GML: variants seen among roughly 807,000 people sequenced by gnomAD.
The protein encoded by GML is glycosylphosphatidylinositol anchored molecule like, also known as glycosyl-phosphatidylinositol-anchored molecule-like protein.
A neutral mutation model predicts 8.2 loss-of-function variants in GML; 5 were observed. That is an observed-to-expected ratio of 0.61 (90% confidence interval 0.32 to 1.28). The LOEUF (loss-of-function observed/expected upper bound fraction) is 1.28. GML is among the 50% of genes most tolerant of loss of function. GML has a pLI of 0.06. For synonymous variants in GML, 72 were observed against 69.0 expected (o/e 1.04, Z -0.22); for missense variants, 191 against 198.3 (o/e 0.96, Z 0.22).
intron 1 of GML, among the ~76,000 whole-genome samples, chr8:142,837,299 C>CAAA (rs61251350): frequency 4.7e-5 from 7 of 148,360 alleles, no homozygotes; most frequent in African/African-American, 1.7e-4. Flanking sequence ...GACTCTGTTT[C>CAAA]AAAAAAAGAA....
At chr8:142,845,099 C>T (rs189598034) in intron 3 of GML, among the ~76,000 whole-genome samples, 218 of 152,266 alleles carry the variant, frequency 1.4e-3, no homozygotes, top group African/African-American at 5.0e-3. Context: ...TGAGAATGAA[C>T]AATATACAAC....
At chr8:142,836,932 G>C (rs572560419) in intron 1 of GML, among the ~76,000 whole-genome samples, 1 of 152,110 alleles carries the variant, frequency 6.6e-6, no homozygotes, top group Non-Finnish European at 1.5e-5. Flanking sequence ...CTTTTCTTTC[G>C]GAGGAAATAA....
rs777102614 is a variant in GML at position 142,846,478 on chromosome 8, GC to G, written c.269del (p.Pro90GlnfsTer38). On this transcript the variant is annotated frameshift_variant, in exon 4 of 4. Coordinates refer to ENST00000220940, the MANE Select transcript of GML (RefSeq NM_002066.3). LOFTEE classifies it low-confidence loss of function (END_TRUNC). ...FVYAAEQPPE[A>X]PGKIFKTNSF... Reference sequence around the variant, plus strand: ...ATATGCAGCTGAACAGCCTCCTGAAGCCCCAGGAAAAATCTTCAAAACTAAT... The same window carrying G: ...ATATGCAGCTGAACAGCCTCCTGAAGCCCAGGAAAAATCTTCAAAACTAAT... 1.2e-6 allele frequency: 2 copies of G among 1,613,400 alleles called. No individual in the cohort carries two copies. Among genetic ancestry groups the G allele is most frequent in the Non-Finnish European group, 1.7e-6 (2 of 1,179,320 alleles).
intron 3 of GML, among the ~76,000 whole-genome samples, chr8:142,844,818 A>G (rs959713822): frequency 6.6e-6 from 1 of 152,216 alleles, no homozygotes; most frequent in Non-Finnish European, 1.5e-5. Context: ...TGAACTGTGC[A>G]CAATCCCTCA....
At chr8:142,837,885 A>G (rs1424122825) in intron 1 of GML, among the ~76,000 whole-genome samples, 6 of 148,140 alleles carry the variant, frequency 4.1e-5, no homozygotes, top group Admixed American at 1.4e-4. Flanking sequence ...AGGCTCTTCC[A>G]TGGGAAAACT....
In GML at chr8:142,839,621, A is replaced by G. The variant is rs556062111; in HGVS notation, c.-22-795A>G. Among the ~76,000 whole-genome samples the G allele has an allele frequency of 2.6e-5, 4 of 152,326 alleles. No individual in the cohort carries two copies. The South Asian group carries it at 6.2e-4, about 24-fold the overall frequency. ...AGCACTGCGGGCTGACCTGCTCCCA[A>G]CCAGGGAGATGGAGCTTCCCCCTTG... On this transcript the variant is annotated intron_variant, in intron 1 of 3. Transcript: ENST00000220940.
intron 1 of GML, 120 bp from the exon 2 acceptor site, chr8:142,840,296 G>T (rs1327640352): frequency 6.1e-6 from 4 of 653,208 alleles, no homozygotes; most frequent in African/African-American, 5.4e-5. Flanking sequence ...CTGGCCCAGT[G>T]GGGGAGGCAT....
In GML at chr8:142,841,347, C is replaced by T. The variant is rs186688065; in HGVS notation, c.181+122C>T. On this transcript the variant is annotated intron_variant, in intron 3 of 3. Transcript: ENST00000220940. ...GCTCTGTTTCCCCTTCCCTCATGTC[C>T]TCCCATCCTGAGTGCGTTTCTGCAC... 4.2e-4 allele frequency: 278 copies of T among 667,608 alleles called. 5 individuals carry two copies. The Admixed American group carries it at 6.1e-3, about 15-fold the overall frequency. 41.4% of individuals were successfully genotyped at this position (667,608 alleles called of 1,614,324 possible). A position where few individuals can be genotyped will look rare whatever the true frequency, so the allele number is the denominator to read the frequency against.
Position 142,846,562 on chromosome 8 carries a change from A to C in GML, c.349A>C (p.Asn117His). 3.1e-6 allele frequency: 5 copies of C among 1,613,970 alleles called. No individual in the cohort carries two copies. The highest frequency in any genetic ancestry group is 4.2e-6 in the Non-Finnish European group (5 of 1,179,856). The change falls in exon 4 of 4, where the codon AAT becomes CAT. Residue 117 changes from asparagine to histidine, a missense_variant. Asn to His is a moderately conservative substitution (Grantham distance 68, BLOSUM62 1). Transcript: ENST00000220940. ...GGTTTGCAATGCAGGAGGACCTACT[A>C]ATCTTGAAAGGGACATGTTACCCGA... Reference protein sequence around the residue: ...SMVCNAGGPTNLERDMLPDEV... With the variant: ...SMVCNAGGPTHLERDMLPDEV...
At chr8:142,835,336 G>T (rs1002120785) in intron 1 of GML, among the ~76,000 whole-genome samples, 61 of 152,154 alleles carry the variant, frequency 4.0e-4, no homozygotes, top group Non-Finnish European at 7.2e-4. Context: ...CTGGGGCTCC[G>T]TTCAGTTCTT....
Position 142,846,699 on chromosome 8 carries a change from C to A in GML, c.*9C>A. The A allele has an allele frequency of 6.2e-7, 1 of 1,602,888 alleles. No homozygotes were observed. Among genetic ancestry groups the A allele is most frequent in the Non-Finnish European group, 8.5e-7 (1 of 1,170,744 alleles). ...GCAATATATTGCCATGAGGACCCCA[C>A]CTTGGAGGGTCTGACCATCTTCACC... On this transcript the variant is annotated 3_prime_UTR_variant, in exon 4 of 4. Coordinates refer to ENST00000220940, the MANE Select transcript of GML (RefSeq NM_002066.3).
intron 1 of GML, among the ~76,000 whole-genome samples, chr8:142,837,433 G>A (rs937988061): frequency 6.6e-6 from 1 of 152,096 alleles, no homozygotes; most frequent in African/African-American, 2.4e-5. Context: ...ACAGCAGTGG[G>A]TGAACCGAGG....
chr8:142,835,255 G>A (rs1816319451), intron 1 of GML, among the ~76,000 whole-genome samples: 1 of 141,442 alleles, frequency 7.1e-6, no homozygotes, highest in Admixed American at 7.1e-5. Context: ...CCAGGGAGAT[G>A]CCAGCACCCC....
chr8:142,836,101 T>C (rs1816338991), intron 1 of GML, among the ~76,000 whole-genome samples: 1 of 152,256 alleles, frequency 6.6e-6, no homozygotes, highest in South Asian at 2.1e-4. Context: ...TTTCTTGTGC[T>C]CTGTAAGCTG....
intron 1 of GML, among the ~76,000 whole-genome samples, chr8:142,835,439 C>A (rs985496858): frequency 1.3e-5 from 2 of 152,196 alleles, no homozygotes; most frequent in South Asian, 2.1e-4. Context: ...GCCTGTTCCA[C>A]GTTCTGCTGC....
rs755194594 is a variant in GML, at chr8:142,846,739, A to G, written c.*49A>G. Reference sequence around the variant, plus strand: ...CCATCTTCACCTGTTCCGCAGAGAAATGTTGCTCTCCATTATTCCCTTCTA... The same window carrying G: ...CCATCTTCACCTGTTCCGCAGAGAAGTGTTGCTCTCCATTATTCCCTTCTA... On this transcript the variant is annotated 3_prime_UTR_variant, in exon 4 of 4. Coordinates refer to ENST00000220940, the MANE Select transcript of GML (RefSeq NM_002066.3). 7.3e-7 allele frequency: 1 copy of G among 1,375,416 alleles called. No individual in the cohort carries two copies. The highest frequency in any genetic ancestry group is 1.3e-5 in the South Asian group (1 of 79,760). The allele number at this position is 1,375,416 out of a possible 1,614,324, so 85.2% of individuals were successfully genotyped here.
chr8:142,845,896 A>G (rs796548539), intron 3 of GML, among the ~76,000 whole-genome samples: 2 of 152,336 alleles, frequency 1.3e-5, no homozygotes, highest in African/African-American at 4.8e-5. Flanking sequence ...GGAGACTGAA[A>G]CACCAGGCTG....
chr8:142,837,158 G>A (rs1239513808), intron 1 of GML, among the ~76,000 whole-genome samples: 6 of 152,088 alleles, frequency 3.9e-5, no homozygotes, highest in Admixed American at 3.9e-4. Flanking sequence ...GCTGGGCGTA[G>A]TGGCGTGCGC....
intron 1 of GML, among the ~76,000 whole-genome samples, chr8:142,839,766 G>A (rs555045194): frequency 5.9e-5 from 9 of 152,284 alleles, no homozygotes; most frequent in South Asian, 2.1e-4. Context: ...CCTGGGGGGC[G>A]TTTCTGAGCC....
Sources: gnomAD v4.1 joint callset for allele counts (sites outside exome capture counted in the v4.1 genomes callset) on GRCh38, gnomAD v4.1.1 for gene constraint, MANE v1.5 for transcripts, NCBI Gene and HGNC (gene_info 2026-07-23, HGNC 2026-07-21) for gene names.